Variants in OR1J2 observed in about 807,000 individuals in gnomAD.
The protein encoded by OR1J2 is olfactory receptor family 1 subfamily J member 2.
For missense variants in OR1J2, 304 were observed against 246.1 expected, an observed-to-expected ratio of 1.24 and a Z score of -1.57; for synonymous variants, 142 against 99.7, an observed-to-expected ratio of 1.42 and a Z score of -2.52.
chr9:122,562,903 A>G, the OR1J2 span, among the ~76,000 whole-genome samples: 35,846 of 152,044 alleles, frequency 0.24, 4,695 homozygotes, highest in Middle Eastern at 0.34. Context: ...TAGCACTTAA[A>G]AAAATCCGTG....
At chr9:122,554,288 T>TAAAAAA in the OR1J2 span, 1 of 547,808 alleles carries the variant, frequency 1.8e-6, no homozygotes, top group African/African-American at 2.0e-5. Context: ...GTTAGGGATG[T>TAAAAAA]AAAAAAAAAA....
At chr9:122,531,983 G>A in the OR1J2 span, among the ~76,000 whole-genome samples, 3 of 150,962 alleles carry the variant, frequency 2.0e-5, no homozygotes, top group Admixed American at 2.0e-4. Context: ...CCTGGGCGGA[G>A]GCAAATCCCT....
chr9:122,487,272 C>T, the OR1J2 span, among the ~76,000 whole-genome samples: 1 of 151,958 alleles, frequency 6.6e-6, no homozygotes, highest in Non-Finnish European at 1.5e-5. Flanking sequence ...GAAGAATGTG[C>T]TCATAGCTGG....
the OR1J2 span, among the ~76,000 whole-genome samples, chr9:122,540,490 C>G: frequency 3.9e-5 from 6 of 152,104 alleles, no homozygotes; most frequent in Non-Finnish European, 7.4e-5. Context: ...TGTTTTGGTA[C>G]CAGTACCATG....
chr9:122,517,824 G>C, the OR1J2 span, among the ~76,000 whole-genome samples: 1 of 151,966 alleles, frequency 6.6e-6, no homozygotes, highest in Non-Finnish European at 1.5e-5. Flanking sequence ...CCATCACCTA[G>C]GTATTAAGCC....
At chr9:122,578,448 CAAA>C in the OR1J2 span, 19 of 115,038 alleles carry the variant, frequency 1.7e-4, no homozygotes, top group Admixed American at 3.6e-4. Context: ...GACTCCATCT[CAAA>C]AAAAAAAAAA....
the OR1J2 span, chr9:122,567,906 G>A: frequency 2.5e-6 from 4 of 1,613,976 alleles, no homozygotes; most frequent in Admixed American, 3.3e-5. Context: ...AAATATGGAA[G>A]AGCAGGACAA....
chr9:122,507,569 G>A (rs920336359), upstream of OR1J2, among the ~76,000 whole-genome samples: 2 of 152,088 alleles, frequency 1.3e-5, no homozygotes, highest in Admixed American at 6.6e-5. Flanking sequence ...CTGGTAAGTA[G>A]TGCCTGTTTC....
the OR1J2 span, chr9:122,568,133 A>G: frequency 6.2e-7 from 1 of 1,614,024 alleles, no homozygotes; most frequent in African/African-American, 1.3e-5. Context: ...TGACTGCCAG[A>G]AGGCAGCTGT....
At chr9:122,526,416 T>C in the OR1J2 span, 2 of 1,516,312 alleles carry the variant, frequency 1.3e-6, no homozygotes, top group Non-Finnish European at 1.8e-6. Context: ...CTTCATGTCC[T>C]TGTTCCTTAG....
At chr9:122,546,668 G>T in the OR1J2 span, among the ~76,000 whole-genome samples, 1 of 152,140 alleles carries the variant, frequency 6.6e-6, no homozygotes, top group Non-Finnish European at 1.5e-5. Context: ...GTAAATTAGA[G>T]ATTTAAATGT....
chr9:122,545,452 C>T, the OR1J2 span, among the ~76,000 whole-genome samples: 2 of 152,030 alleles, frequency 1.3e-5, no homozygotes, highest in South Asian at 2.1e-4. Context: ...TTTCCCATTT[C>T]TCCCTTTAAT....
chr9:122,459,668 C>A, the OR1J2 span, among the ~76,000 whole-genome samples: 1 of 152,146 alleles, frequency 6.6e-6, no homozygotes, highest in African/African-American at 2.4e-5. Flanking sequence ...TTGGACATTT[C>A]TTTAATGTCA....
the OR1J2 span, among the ~76,000 whole-genome samples, chr9:122,539,706 G>A: frequency 6.6e-6 from 1 of 152,178 alleles, no homozygotes. Flanking sequence ...TTCCACAATG[G>A]TTGAACTAGT....
chr9:122,533,343 A>C, the OR1J2 span, among the ~76,000 whole-genome samples: 1 of 152,200 alleles, frequency 6.6e-6, no homozygotes, highest in South Asian at 2.1e-4. Flanking sequence ...GAATGATAAC[A>C]GGCTCTAATC....
downstream of OR1J2, among the ~76,000 whole-genome samples, chr9:122,514,699 CA>C (rs1359370726): frequency 5.9e-5 from 9 of 151,990 alleles, no homozygotes; most frequent in Non-Finnish European, 1.3e-4. Flanking sequence ...AGCAGCAAAC[CA>C]AAAAAGAATT....
chr9:122,567,668 C>A, the OR1J2 span: 1 of 1,614,032 alleles, frequency 6.2e-7, no homozygotes, highest in South Asian at 1.1e-5. Flanking sequence ...CCACGTGGTC[C>A]TTGACAGCGT....
chr9:122,474,269 T>C, the OR1J2 span, among the ~76,000 whole-genome samples: 1 of 152,230 alleles, frequency 6.6e-6, no homozygotes, highest in Non-Finnish European at 1.5e-5. Context: ...TTTGAGATGA[T>C]AGTCAATGCC....
upstream of OR1J2, chr9:122,510,660 C>A (rs770689684): frequency 9.0e-6 from 5 of 557,270 alleles, no homozygotes; most frequent in Non-Finnish European, 1.6e-5. Context: ...CCCACAGACC[C>A]CCGATAGGCC....
Sources: allele counts gnomAD v4.1 joint callset (sites outside exome capture counted in the v4.1 genomes callset), GRCh38; gene constraint gnomAD v4.1.1; transcripts MANE v1.5; gene names NCBI Gene and HGNC (gene_info 2026-07-23, HGNC 2026-07-21).